Variants in GABRB1 observed in about 807,000 individuals in gnomAD.
GABRB1 encodes the protein gamma-aminobutyric acid receptor subunit beta-1.
Under a neutral mutation model 51.6 loss-of-function variants are expected in GABRB1, and 17 were observed. The observed-to-expected ratio is 0.33, with a 90% CI of 0.23 to 0.49. GABRB1 has a LOEUF of 0.49. GABRB1 is among the 20% of genes least tolerant of loss of function. GABRB1 has a pLI of 0.99. For synonymous variants in GABRB1, 247 were observed against 218.9 expected (o/e 1.13, Z -1.14); for missense variants, 410 against 600.6 (o/e 0.68, Z 3.32).
At chr4:47,021,454 A>G (rs996259751) in intron 1 of GABRB1, among the ~76,000 whole-genome samples, 20 of 152,186 alleles carry the variant, frequency 1.3e-4, no homozygotes, top group Admixed American at 1.2e-3. Context: ...ACTACTAGGA[A>G]TAGAGGAATC....
chr4:47,157,250 G>A (rs965038663), intron 3 of GABRB1, among the ~76,000 whole-genome samples: 1 of 151,990 alleles, frequency 6.6e-6, no homozygotes. Flanking sequence ...TCACCTAGAA[G>A]GAAAGTAATT....
chr4:47,140,379 G>A (rs1254685340), intron 3 of GABRB1, among the ~76,000 whole-genome samples: 3 of 151,822 alleles, frequency 2.0e-5, no homozygotes, highest in Admixed American at 2.0e-4. Flanking sequence ...ACTTTGCATG[G>A]TACAGATATG....
In GABRB1 at chr4:47,308,512, A is replaced by G. The variant is rs201949599; in HGVS notation, c.462-11615A>G. ...TCTCAGCATAAAGCTATTGTTCTCA[A>G]ACAACACAGTATCTTAATACTCCAT... On this transcript the variant is annotated intron_variant, in intron 4 of 8. Coordinates refer to ENST00000295454, the MANE Select transcript of GABRB1 (RefSeq NM_000812.4). Among the ~76,000 whole-genome samples the G allele has an allele frequency of 2.0e-5, 3 of 152,032 alleles. No homozygotes were observed. The East Asian group carries it at 5.8e-4, about 29-fold the overall frequency.
intron 3 of GABRB1, among the ~76,000 whole-genome samples, chr4:47,074,260 T>C (rs753838590): frequency 2.0e-5 from 3 of 152,166 alleles, no homozygotes; most frequent in African/African-American, 4.8e-5. Context: ...AAAGAACATA[T>C]GTAATATGCT....
At chr4:47,076,474 T>C (rs948103024) in intron 3 of GABRB1, among the ~76,000 whole-genome samples, 1 of 152,120 alleles carries the variant, frequency 6.6e-6, no homozygotes, top group Non-Finnish European at 1.5e-5. Flanking sequence ...TCCAGGCTCT[T>C]GGTGGCCAGA....
intron 8 of GABRB1, among the ~76,000 whole-genome samples, 177 bp from the exon 9 acceptor site, chr4:47,425,497 G>GAT (rs1157404211): frequency 6.7e-6 from 1 of 149,354 alleles, no homozygotes; most frequent in East Asian, 2.0e-4. Context: ...TAGATAGATA[G>GAT]ATAGATAGAT....
chr4:47,256,350 GT>G (rs1253733644), intron 4 of GABRB1, among the ~76,000 whole-genome samples: 1 of 152,104 alleles, frequency 6.6e-6, no homozygotes, highest in Non-Finnish European at 1.5e-5. Flanking sequence ...AATTTAATGG[GT>G]TTCACCCAGC....
At chr4:47,106,699 T>G (rs1043251467) in intron 3 of GABRB1, among the ~76,000 whole-genome samples, 5 of 152,016 alleles carry the variant, frequency 3.3e-5, no homozygotes, top group African/African-American at 9.7e-5. Flanking sequence ...CTCTCTATCT[T>G]TCTTGCATGA....
chr4:47,249,208 C>T (rs939717283), intron 4 of GABRB1, among the ~76,000 whole-genome samples: 1 of 151,938 alleles, frequency 6.6e-6, no homozygotes, highest in African/African-American at 2.4e-5. Context: ...TAGATTGTGT[C>T]ATTATTGTCG....
At chr4:47,155,392 AG>A (rs1273582546) in intron 3 of GABRB1, among the ~76,000 whole-genome samples, 1 of 152,060 alleles carries the variant, frequency 6.6e-6, no homozygotes, top group Non-Finnish European at 1.5e-5. Context: ...AATATGAACA[AG>A]GGCTTTGGTT....
intron 1 of GABRB1, among the ~76,000 whole-genome samples, chr4:47,016,757 T>A (rs1021888321): frequency 2.6e-5 from 4 of 151,960 alleles, no homozygotes; most frequent in Non-Finnish European, 4.4e-5. Flanking sequence ...CCCAGGCTAA[T>A]TTTTGTATTT....
intron 5 of GABRB1, among the ~76,000 whole-genome samples, chr4:47,320,720 C>T (rs1015209616): frequency 6.7e-6 from 1 of 149,844 alleles, no homozygotes; most frequent in African/African-American, 2.4e-5. Context: ...GACTAATTTT[C>T]GTTTGTCCTC....
upstream of GABRB1, among the ~76,000 whole-genome samples, chr4:47,028,586 A>T (rs1725173220): frequency 6.6e-6 from 1 of 151,762 alleles, no homozygotes; most frequent in African/African-American, 2.4e-5. Flanking sequence ...ATCTAGAAAT[A>T]TATGGAGAGT....
chr4:46,998,752 A>G lies in GABRB1; in HGVS notation c.-20+4826A>G, dbSNP rs553119095. On this transcript the variant is annotated intron_variant, in intron 1 of 3. Coordinates refer to the GABRB1 transcript ENST00000513567. The stretch of plus-strand genomic sequence containing the variant: ...CTGTCTAAAAAAAAAAAAAAAAAAA[A>G]AAAGTGGAAAGAATACAATTTAAGG... Among the ~76,000 whole-genome samples, 9 of 151,844 alleles carry G rather than the reference A, an allele frequency of 5.9e-5. No homozygotes were observed. In the South Asian group the frequency reaches 1.5e-3, roughly 25 times the overall value.
intron 1 of GABRB1, among the ~76,000 whole-genome samples, chr4:47,006,558 A>G (rs964835019): frequency 6.6e-6 from 1 of 152,164 alleles, no homozygotes; most frequent in Non-Finnish European, 1.5e-5. Flanking sequence ...TTGAATTTTG[A>G]TAAGATGTGT....
chr4:47,407,758 G>A (rs1424257674), intron 8 of GABRB1, among the ~76,000 whole-genome samples: 1 of 152,102 alleles, frequency 6.6e-6, no homozygotes, highest in Non-Finnish European at 1.5e-5. Flanking sequence ...GAGAAGATAA[G>A]CAATAAACAC....
chr4:47,189,107 G>A (rs1421717248), intron 4 of GABRB1, among the ~76,000 whole-genome samples: 2 of 151,948 alleles, frequency 1.3e-5, no homozygotes, highest in African/African-American at 4.8e-5. Context: ...GGAAGATTAA[G>A]AAATAGAGAT....
At chr4:47,193,874 A>G (rs533231944) in intron 4 of GABRB1, among the ~76,000 whole-genome samples, 1 of 152,334 alleles carries the variant, frequency 6.6e-6, no homozygotes, top group East Asian at 1.9e-4. Context: ...AGATTATGCA[A>G]AATGTGTTTG....
intron 4 of GABRB1, among the ~76,000 whole-genome samples, chr4:47,182,837 T>C (rs980248879): frequency 6.6e-6 from 1 of 151,912 alleles, no homozygotes; most frequent in Non-Finnish European, 1.5e-5. Context: ...TCAGAGATTT[T>C]TATATAGTGC....
Sources: gnomAD v4.1 joint callset for allele counts (sites outside exome capture counted in the v4.1 genomes callset) on GRCh38, gnomAD v4.1.1 for gene constraint, MANE v1.5 for transcripts, NCBI Gene and HGNC (gene_info 2026-07-23, HGNC 2026-07-21) for gene names.